AFG2A: variants seen among roughly 807,000 people sequenced by gnomAD.
AFG2A encodes the protein ATPase family gene 2 protein homolog A.
the AFG2A span, among the ~76,000 whole-genome samples, chr4:122,986,604 GA>G: frequency 6.6e-6 from 1 of 152,124 alleles, no homozygotes; most frequent in African/African-American, 2.4e-5. Flanking sequence ...GGAAGAATGG[GA>G]GGGGGGTGAG....
At chr4:123,178,501 A>G in the AFG2A span, among the ~76,000 whole-genome samples, 1 of 152,174 alleles carries the variant, frequency 6.6e-6, no homozygotes, top group African/African-American at 2.4e-5. Flanking sequence ...GCTGATGAAA[A>G]CATGTTATGA....
At chr4:123,243,638 C>T in the AFG2A span, among the ~76,000 whole-genome samples, 1 of 151,972 alleles carries the variant, frequency 6.6e-6, no homozygotes, top group East Asian at 1.9e-4. Context: ...AGGAGACATA[C>T]CTAATGTAAA....
At chr4:123,287,430 T>C in the AFG2A span, among the ~76,000 whole-genome samples, 4 of 152,294 alleles carry the variant, frequency 2.6e-5, no homozygotes, top group East Asian at 7.7e-4. Flanking sequence ...TCTTGATAAA[T>C]GTTCATCTGC....
chr4:123,149,061 G>A, the AFG2A span, among the ~76,000 whole-genome samples: 9 of 152,100 alleles, frequency 5.9e-5, no homozygotes, highest in African/African-American at 2.2e-4. Flanking sequence ...GAGCCACGGC[G>A]CCTGGCACAC....
the AFG2A span, among the ~76,000 whole-genome samples, chr4:123,036,093 A>G: frequency 6.6e-6 from 1 of 152,190 alleles, no homozygotes; most frequent in Non-Finnish European, 1.5e-5. Flanking sequence ...AAAGTTTTAC[A>G]ATTGGAATAG....
chr4:123,087,626 C>T, the AFG2A span, among the ~76,000 whole-genome samples: 4,009 of 152,222 alleles, frequency 0.026, 164 homozygotes, highest in African/African-American at 0.089. Context: ...TGAGGGACCC[C>T]GCTCTATGAC....
At chr4:123,184,400 A>G in the AFG2A span, among the ~76,000 whole-genome samples, 21 of 152,196 alleles carry the variant, frequency 1.4e-4, 1 homozygote, top group South Asian at 3.3e-3. Flanking sequence ...TCCACTCCTC[A>G]TACTTTTCTA....
chr4:123,093,797 A>T, the AFG2A span, among the ~76,000 whole-genome samples: 1 of 152,188 alleles, frequency 6.6e-6, no homozygotes, highest in African/African-American at 2.4e-5. Context: ...TCTGGGTCAG[A>T]AGATAAGATG....
the AFG2A span, among the ~76,000 whole-genome samples, chr4:123,120,903 A>G: frequency 6.6e-6 from 1 of 152,158 alleles, no homozygotes; most frequent in African/African-American, 2.4e-5. Context: ...AAAAAAAATT[A>G]ACTGTAAAAC....
the AFG2A span, among the ~76,000 whole-genome samples, chr4:122,942,617 T>G: frequency 2.0e-5 from 3 of 152,220 alleles, no homozygotes; most frequent in Non-Finnish European, 4.4e-5. Flanking sequence ...GAAGGGTTTT[T>G]TTATGTCTCT....
the AFG2A span, among the ~76,000 whole-genome samples, chr4:123,042,798 G>C: frequency 6.6e-6 from 1 of 151,938 alleles, no homozygotes; most frequent in African/African-American, 2.4e-5. Flanking sequence ...TTTATTTATA[G>C]TTTAAGTTCT....
chr4:122,991,461 A>G, the AFG2A span, among the ~76,000 whole-genome samples: 3 of 152,238 alleles, frequency 2.0e-5, no homozygotes, highest in Admixed American at 2.0e-4. Flanking sequence ...GACATGTGAC[A>G]TCATGCTGGA....
chr4:123,102,798 C>CTGTGTGTGTGTGTG, the AFG2A span, among the ~76,000 whole-genome samples: 110 of 141,218 alleles, frequency 7.8e-4, no homozygotes, highest in African/African-American at 1.8e-3. Context: ...TCCTGGCATT[C>CTGTGTGTGTGTGTG]TGTGTGTGTG....
At chr4:123,061,627 A>T in the AFG2A span, among the ~76,000 whole-genome samples, 1 of 152,216 alleles carries the variant, frequency 6.6e-6, no homozygotes, top group African/African-American at 2.4e-5. Context: ...CATGGGGATT[A>T]TTACAATTCA....
chr4:122,925,324 T>C, the AFG2A span, among the ~76,000 whole-genome samples: 1 of 152,230 alleles, frequency 6.6e-6, no homozygotes, highest in Non-Finnish European at 1.5e-5. Flanking sequence ...TTGCCCCTTA[T>C]TCCTTTTCCA....
the AFG2A span, among the ~76,000 whole-genome samples, chr4:123,306,492 A>G: frequency 2.0e-5 from 3 of 148,402 alleles, no homozygotes; most frequent in East Asian, 5.9e-4. Flanking sequence ...ACAAACAGAT[A>G]ATGTTTTACC....
the AFG2A span, among the ~76,000 whole-genome samples, chr4:123,273,974 C>G: frequency 9.2e-5 from 14 of 152,122 alleles, no homozygotes; most frequent in Non-Finnish European, 1.9e-4. Context: ...AAGGACCTGT[C>G]TATGTTAGAG....
At chr4:123,126,437 T>G in the AFG2A span, among the ~76,000 whole-genome samples, 3 of 152,340 alleles carry the variant, frequency 2.0e-5, no homozygotes, top group African/African-American at 7.2e-5. Flanking sequence ...AGGTTTTTCC[T>G]GTCTTTCTAA....
the AFG2A span, chr4:123,314,528 A>G: frequency 6.6e-6 from 1 of 152,330 alleles, no homozygotes; most frequent in Non-Finnish European, 1.5e-5. Flanking sequence ...CCAGCCAGTA[A>G]AATGGCCCAA....
Sources: gnomAD v4.1 joint callset for allele counts (sites outside exome capture counted in the v4.1 genomes callset) on GRCh38, gnomAD v4.1.1 for gene constraint, MANE v1.5 for transcripts, NCBI Gene and HGNC (gene_info 2026-07-23, HGNC 2026-07-21) for gene names.